The following AURKA variants were observed in gnomAD, a reference collection of about 807,000 sequenced individuals.
AURKA encodes aurora kinase A, also known as aurora 2.
AURKA carries 12 observed loss-of-function variants against 40.9 expected under a neutral mutation model. The ratio of observed to expected loss-of-function variants is 0.29; its 90% CI spans 0.19 to 0.48. AURKA has a LOEUF of 0.48. AURKA is among the 20% of genes least tolerant of loss of function. The pLI is 0.99. For synonymous variants in AURKA, 170 were observed against 164.3 expected, an observed-to-expected ratio of 1.03 and a Z score of -0.26; for missense variants, 322 against 462.1, an observed-to-expected ratio of 0.70 and a Z score of 2.78.
rs1311711313 is a variant in AURKA at position 56,373,575 on chromosome 20, A to G, written c.706-19T>C. 1 of 1,612,362 alleles carries G rather than the reference A, an allele frequency of 6.2e-7. No individual in the cohort carries two copies. The highest frequency in any genetic ancestry group is 1.1e-5 in the South Asian group (1 of 91,052). ...TTATATACTGTTAAAACAATATTGA[A>G]AGCCTATGTTTTAGATTTTATATAA... On this transcript the variant is annotated intron_variant, in intron 6 of 8. Transcript: ENST00000395915. The surrounding 1 kb of genome is among the most constrained non-coding windows in gnomAD (Gnocchi z 5.0).
intron 2 of AURKA, among the ~76,000 whole-genome samples, chr20:56,387,033 T>C (rs1986460131): frequency 6.6e-6 from 1 of 152,210 alleles, no homozygotes; most frequent in South Asian, 2.1e-4. Context: ...ACAATAAGCT[T>C]ATTACTGTAC....
At chr20:56,382,382 G>C (rs967031656) in intron 5 of AURKA, among the ~76,000 whole-genome samples, 17 of 152,106 alleles carry the variant, frequency 1.1e-4, no homozygotes, top group Non-Finnish European at 2.2e-4. Flanking sequence ...GCCAGGCAGA[G>C]ACACACCAGG....
chr20:56,370,387 G>C (rs1983982736), intron 8 of AURKA, 47 bp from the exon 9 acceptor site: 3 of 1,613,516 alleles, frequency 1.9e-6, no homozygotes, highest in Non-Finnish European at 2.5e-6. Context: ...AGGTTAGAGA[G>C]ATCAAATAGT....
At position 56,369,878 on chromosome 20, in the gene AURKA, A is replaced by G. The variant is rs1983864939; in HGVS notation, c.*280T>C. On this transcript the variant is annotated 3_prime_UTR_variant, in exon 9 of 9. Transcript: ENST00000395915. Reference sequence around the variant, plus strand: ...CTCCTGTGAAGACACCATGCCTAGCACAGGCTGACGGGGCGGCTGCAGTCG... The same window carrying G: ...CTCCTGTGAAGACACCATGCCTAGCGCAGGCTGACGGGGCGGCTGCAGTCG... The G allele has an allele frequency of 3.8e-6, 2 of 521,906 alleles. No individual in the cohort carries two copies. Among genetic ancestry groups the G allele is most frequent in the South Asian group, 3.9e-5 (2 of 50,688 alleles). The allele number at this position is 521,906 out of a possible 1,614,324, so 32.3% of individuals were successfully genotyped here.
In AURKA at chr20:56,369,694, A is replaced by G; in HGVS notation, c.*464T>C. 2.9e-6 allele frequency: 1 copy of G among 340,566 alleles called. No homozygotes were observed. Among genetic ancestry groups the G allele is most frequent in the Admixed American group, 4.3e-5 (1 of 23,206 alleles). The allele number at this position is 340,566 out of a possible 1,614,324, so 21.1% of individuals were successfully genotyped here. ...TACATATATCTTTATTTTCATACTT[A>G]AAAAGAATCACATACTCATTCCAAC... On this transcript the variant is annotated 3_prime_UTR_variant, in exon 9 of 9. Coordinates refer to ENST00000395915, the MANE Select transcript of AURKA (RefSeq NM_198437.3).
intron 1 of AURKA, chr20:56,388,552 C>T: frequency 6.6e-6 from 2 of 301,142 alleles, no homozygotes; most frequent in Non-Finnish European, 1.3e-5. Flanking sequence ...TGGCTTACAC[C>T]TGTAATCCCA....
At chr20:56,374,052 T>A (rs549053642) in intron 6 of AURKA, among the ~76,000 whole-genome samples, 2 of 145,468 alleles carry the variant, frequency 1.4e-5, no homozygotes, top group South Asian at 2.2e-4. Flanking sequence ...CACACACACA[T>A]CAACTGAACC....
rs972022489 is a variant in AURKA, at chr20:56,381,548, T to C, written c.590A>G (p.Tyr197Cys). The change falls in exon 6 of 9, where the codon TAT becomes TGT. Residue 197 changes from tyrosine to cysteine, a missense_variant. Physicochemically the swap from Tyr to Cys is radical, Grantham distance 194 (BLOSUM62 -2). Transcript: ENST00000395915. Reference protein sequence around the residue: ...HLRHPNILRLYGYFHDATRVY... With the variant: ...HLRHPNILRLCGYFHDATRVY... ...TCTGGTAGCATCATGGAAATAACCA[T>C]ACAGTCTAAGAATATTAGGATGCCT... 1.9e-5 allele frequency: 30 copies of C among 1,613,730 alleles called. No individual in the cohort carries two copies. The highest frequency in any genetic ancestry group is 2.5e-5 in the Non-Finnish European group (29 of 1,179,924).
intron 7 of AURKA, among the ~76,000 whole-genome samples, chr20:56,371,753 A>G (rs780710370): frequency 3.3e-5 from 5 of 152,116 alleles, no homozygotes; most frequent in Non-Finnish European, 7.4e-5. Context: ...ATAAGATGTC[A>G]TGGACAATAG....
intron 5 of AURKA, 104 bp from the exon 6 acceptor site, chr20:56,381,675 T>A: frequency 2.1e-6 from 3 of 1,435,948 alleles, no homozygotes; most frequent in Non-Finnish European, 2.9e-6. Context: ...GTGTTTCACA[T>A]GAAACCACAC....
intron 6 of AURKA, among the ~76,000 whole-genome samples, chr20:56,377,511 G>A (rs866227328): frequency 1.3e-5 from 2 of 152,140 alleles, no homozygotes; most frequent in Non-Finnish European, 2.9e-5. Context: ...GTTCAAGGCC[G>A]GGCGCAGTGG....
intron 7 of AURKA, among the ~76,000 whole-genome samples, chr20:56,372,761 T>G (rs1243709236): frequency 6.6e-6 from 1 of 152,212 alleles, no homozygotes; most frequent in Non-Finnish European, 1.5e-5. Flanking sequence ...CCCCACTTCA[T>G]GTGAAGTTTC....
At chr20:56,387,802 T>C (rs1180715894) in intron 2 of AURKA, among the ~76,000 whole-genome samples, 1 of 152,220 alleles carries the variant, frequency 6.6e-6, no homozygotes, top group Non-Finnish European at 1.5e-5. Flanking sequence ...GCCGTTATCA[T>C]AGGAACTTAG....
At chr20:56,378,133 G>C (rs1209954214) in intron 6 of AURKA, among the ~76,000 whole-genome samples, 1 of 152,116 alleles carries the variant, frequency 6.6e-6, no homozygotes, top group Non-Finnish European at 1.5e-5. Flanking sequence ...ACTCCAGTCT[G>C]GGCGACAGTG....
chr20:56,382,777 A>G (rs1985884719), intron 5 of AURKA, among the ~76,000 whole-genome samples: 1 of 152,158 alleles, frequency 6.6e-6, no homozygotes, highest in Non-Finnish European at 1.5e-5. Context: ...GGAGAATCAC[A>G]GGAGAATGCT....
At chr20:56,389,292 C>T (rs150346235) in intron 1 of AURKA, among the ~76,000 whole-genome samples, 1 of 152,282 alleles carries the variant, frequency 6.6e-6, no homozygotes, top group Non-Finnish European at 1.5e-5. Context: ...TTCATGAGGA[C>T]CACTCAAAGT....
chr20:56,379,304 C>T (rs756304258), intron 6 of AURKA, among the ~76,000 whole-genome samples: 14 of 152,050 alleles, frequency 9.2e-5, no homozygotes, highest in African/African-American at 2.9e-4. Context: ...GGATGGTGGG[C>T]GGTGAAATCC....
chr20:56,390,736 C>T (rs1480978586), intron 1 of AURKA: 1 of 152,016 alleles, frequency 6.6e-6, no homozygotes, highest in East Asian at 1.9e-4. Flanking sequence ...AAGCCAGGCC[C>T]AGACTACAGG....
intron 4 of AURKA, 97 bp downstream of exon 4, chr20:56,384,173 G>T: frequency 1.1e-6 from 1 of 873,760 alleles, no homozygotes; most frequent in African/African-American, 1.7e-5. Flanking sequence ...GCAAATAAAG[G>T]CCTCATTTTT....
Sources: allele counts gnomAD v4.1 joint callset (sites outside exome capture counted in the v4.1 genomes callset), GRCh38; gene constraint gnomAD v4.1.1; non-coding constraint Gnocchi (gnomAD v3.1); transcripts MANE v1.5; gene names NCBI Gene and HGNC (gene_info 2026-07-23, HGNC 2026-07-21).